Variants in FHIT observed in about 807,000 individuals in gnomAD.
FHIT encodes the protein bis(5'-adenosyl)-triphosphatase.
In FHIT, 19 loss-of-function variants were observed where a neutral mutation model predicts 17.9. The observed-to-expected ratio is 1.06, with a 90% CI of 0.74 to 1.56. The LOEUF (loss-of-function observed/expected upper bound fraction) is 1.56, where lower values mean the gene tolerates loss of function less well. FHIT is among the 40% of genes most tolerant of loss of function. FHIT has a pLI of 0.00. For missense variants in FHIT, 248 were observed against 189.2 expected (o/e 1.31, Z -1.82); for synonymous variants, 81 against 69.7 (o/e 1.16, Z -0.81).
chr3:60,058,888 A>G (rs553629390), intron 5 of FHIT, among the ~76,000 whole-genome samples: 2 of 152,358 alleles, frequency 1.3e-5, no homozygotes, highest in East Asian at 1.9e-4. Context: ...GAATTGGGAA[A>G]CACAGACCAA....
intron 5 of FHIT, among the ~76,000 whole-genome samples, chr3:60,030,339 C>T (rs983915660): frequency 3.9e-5 from 6 of 152,142 alleles, no homozygotes; most frequent in African/African-American, 9.7e-5. Context: ...CACAATGTTC[C>T]ACTATAGGCC....
chr3:61,041,850 A>C (rs1304762606), intron 3 of FHIT, among the ~76,000 whole-genome samples, 197 bp downstream of exon 3: 1 of 152,212 alleles, frequency 6.6e-6, no homozygotes, highest in Non-Finnish European at 1.5e-5. Flanking sequence ...GAAAAAAGTG[A>C]GAATTTCAAA....
chr3:61,209,375 T>C (rs934544896), intron 1 of FHIT, among the ~76,000 whole-genome samples: 1 of 152,232 alleles, frequency 6.6e-6, no homozygotes, highest in Non-Finnish European at 1.5e-5. Flanking sequence ...CCTTGCTAGA[T>C]TGGGGAAGTT....
intron 5 of FHIT, among the ~76,000 whole-genome samples, chr3:60,356,499 A>T (rs1198210509): frequency 2.0e-5 from 3 of 152,162 alleles, no homozygotes; most frequent in Admixed American, 6.6e-5. Flanking sequence ...AAAATGTAAG[A>T]CTAGTGTAGG....
At chr3:61,098,576 T>G (rs1343456538) in intron 2 of FHIT, among the ~76,000 whole-genome samples, 1 of 152,232 alleles carries the variant, frequency 6.6e-6, no homozygotes, top group African/African-American at 2.4e-5. Context: ...ATTCTTCCTA[T>G]CCATGAGCAT....
chr3:60,406,640 A>AT (rs1354524174), intron 5 of FHIT, among the ~76,000 whole-genome samples: 2 of 108,704 alleles, frequency 1.8e-5, no homozygotes, highest in Non-Finnish European at 3.3e-5. Flanking sequence ...TTGTTGTCAG[A>AT]TTTTGTGGAG....
At chr3:60,817,278 A>G (rs1448852323) in intron 4 of FHIT, among the ~76,000 whole-genome samples, 1 of 152,080 alleles carries the variant, frequency 6.6e-6, no homozygotes, top group African/African-American at 2.4e-5. Context: ...AGATCTTATC[A>G]TGAAAAACTA....
At chr3:60,007,872 G>C (rs1699985135) in intron 7 of FHIT, among the ~76,000 whole-genome samples, 1 of 152,118 alleles carries the variant, frequency 6.6e-6, no homozygotes, top group South Asian at 2.1e-4. Context: ...ATGGGTGTTA[G>C]GTCAGAGAAT....
chr3:59,837,910 TCAGA>T (rs1701395371), intron 8 of FHIT, among the ~76,000 whole-genome samples: 1 of 152,062 alleles, frequency 6.6e-6, no homozygotes, highest in Admixed American at 6.6e-5. Flanking sequence ...ACAGATGAAG[TCAGA>T]CAGCCTTTGT....
chr3:59,999,850 C>T (rs922605511), intron 7 of FHIT, among the ~76,000 whole-genome samples: 9 of 152,054 alleles, frequency 5.9e-5, no homozygotes, highest in Non-Finnish European at 8.8e-5. Flanking sequence ...TCAGGTAATC[C>T]GCCCACCTCA....
chr3:61,247,164 A>C (rs964068434), intron 1 of FHIT, among the ~76,000 whole-genome samples: 3 of 152,184 alleles, frequency 2.0e-5, no homozygotes, highest in Non-Finnish European at 4.4e-5. Flanking sequence ...AAATGTGCTG[A>C]ATAAAAATAT....
intron 4 of FHIT, among the ~76,000 whole-genome samples, chr3:60,748,162 G>A (rs17063907): frequency 0.019 from 2,943 of 152,244 alleles, 93 homozygotes; most frequent in African/African-American, 0.067. Context: ...CCTTATTAGA[G>A]AGTGGGAGAT....
intron 3 of FHIT, among the ~76,000 whole-genome samples, chr3:60,825,988 A>C (rs1702098437): frequency 6.6e-6 from 1 of 152,272 alleles, no homozygotes; most frequent in East Asian, 1.9e-4. Flanking sequence ...CTTCTTTAAA[A>C]AGGAAAAAAA....
chr3:60,690,320 C>A (rs1225758188), intron 4 of FHIT: 4 of 565,640 alleles, frequency 7.1e-6, no homozygotes, highest in South Asian at 4.1e-5. Context: ...TCCATGCCTT[C>A]TTTCACCCTG....
chr3:60,673,308 T>TA, intron 4 of FHIT, among the ~76,000 whole-genome samples: 1 of 152,354 alleles, frequency 6.6e-6, no homozygotes, highest in East Asian at 1.9e-4. Flanking sequence ...TTTGTTTATC[T>TA]AAAACTTAGG....
chr3:59,839,178 C>T (rs1337744953), intron 8 of FHIT, among the ~76,000 whole-genome samples: 4 of 151,782 alleles, frequency 2.6e-5, no homozygotes, highest in Non-Finnish European at 4.4e-5. Flanking sequence ...AATAGCAGGG[C>T]GTGGTGGTAC....
At chr3:60,818,837 G>A (rs1205753015) in intron 4 of FHIT, among the ~76,000 whole-genome samples, 1 of 152,082 alleles carries the variant, frequency 6.6e-6, no homozygotes. Context: ...AAAACACTGT[G>A]AGTTTTCTAT....
chr3:60,633,479 T>C (rs181959255), intron 4 of FHIT, among the ~76,000 whole-genome samples: 34 of 152,338 alleles, frequency 2.2e-4, no homozygotes, highest in South Asian at 8.3e-4. Flanking sequence ...TGTACATACT[T>C]GGAACATTTC....
At chr3:59,926,168 C>T (rs988869218) in intron 7 of FHIT, among the ~76,000 whole-genome samples, 1 of 152,194 alleles carries the variant, frequency 6.6e-6, no homozygotes, top group Non-Finnish European at 1.5e-5. Context: ...CTCATTAGCA[C>T]ATTAAAGTAT....
Sources: gnomAD v4.1 joint callset for allele counts (sites outside exome capture counted in the v4.1 genomes callset) on GRCh38, gnomAD v4.1.1 for gene constraint, MANE v1.5 for transcripts, NCBI Gene and HGNC (gene_info 2026-07-23, HGNC 2026-07-21) for gene names.